Variants in CDC42 observed in about 807,000 individuals in gnomAD.
CDC42 encodes the protein cell division cycle 42.
In CDC42, 1 loss-of-function variant was observed where a neutral mutation model predicts 20.8. That is an observed-to-expected ratio of 0.05 (90% CI 0.02 to 0.23). The LOEUF is 0.23. Ranked by LOEUF, CDC42 falls within the 10% of genes least tolerant of loss-of-function variation. The pLI, the probability that CDC42 is intolerant of heterozygous loss-of-function variation, is 1.00. For missense variants in CDC42, 49 were observed against 227.9 expected, an observed-to-expected ratio of 0.21 and a Z score of 5.05; for synonymous variants, 72 against 84.8, an observed-to-expected ratio of 0.85 and a Z score of 0.83.
rs1012005638 is a variant in CDC42 at position 22,095,687 on chromosome 1, A to G, written c.*4170A>G. ...GTTGCATTTGAACCATGCCAACGGT[A>G]GCTTATTAAAACAGCATTTATTTTT... On this transcript the variant is annotated 3_prime_UTR_variant, in exon 6 of 6. Coordinates refer to ENST00000656825, the MANE Select transcript of CDC42 (RefSeq NM_001791.4). 3.3e-5 allele frequency among the ~76,000 whole-genome samples: 5 copies of G among 152,194 alleles called. No individual in the cohort carries two copies.
intron 1 of CDC42, among the ~76,000 whole-genome samples, chr1:22,077,961 G>T (rs549836383): frequency 5.4e-4 from 83 of 152,308 alleles, no homozygotes; most frequent in Non-Finnish European, 1.1e-3. Context: ...TCTGCTGCTT[G>T]TTGGTCAGAG....
At chr1:22,087,023 C>T (rs1645667880) in intron 5 of CDC42, among the ~76,000 whole-genome samples, 157 bp downstream of exon 5, 1 of 152,112 alleles carries the variant, frequency 6.6e-6, no homozygotes, top group Non-Finnish European at 1.5e-5. Context: ...TTAGAGGCCT[C>T]TGTGTTTTTT....
chr1:22,099,808 T>A lies in CDC42; in HGVS notation c.*8291T>A, dbSNP rs1479107488. 1.3e-5 allele frequency among the ~76,000 whole-genome samples: 2 copies of A among 152,160 alleles called. No homozygotes were observed. The highest frequency in any genetic ancestry group is 4.8e-5 in the African/African-American group (2 of 41,420). ...AGTGTTTATTCTCTACATGGCACTC[T>A]TTTAAGCCTTTGTGTGAATTAACTC... On this transcript the variant is annotated 3_prime_UTR_variant, in exon 6 of 6. Transcript: ENST00000656825.
intron 5 of CDC42, chr1:22,090,475 AGT>A (rs1645704492): frequency 2.0e-6 from 2 of 989,280 alleles, no homozygotes; most frequent in African/African-American, 1.7e-5. Context: ...GACCTAGTAG[AGT>A]GTAATGGGGA....
At chr1:22,062,508 T>TA (rs1247743526) in intron 1 of CDC42, among the ~76,000 whole-genome samples, 2 of 152,180 alleles carry the variant, frequency 1.3e-5, no homozygotes, top group African/African-American at 2.4e-5. Context: ...CTTGTAGACT[T>TA]ACGACCAAAT....
At chr1:22,082,455 T>TTA (rs1645617892) in intron 3 of CDC42, among the ~76,000 whole-genome samples, 1 of 152,222 alleles carries the variant, frequency 6.6e-6, no homozygotes, top group African/African-American at 2.4e-5. Context: ...TGTACCTAAT[T>TTA]CCTCAGTGCT....
At chr1:22,062,739 A>T (rs1164981880) in intron 1 of CDC42, among the ~76,000 whole-genome samples, 115 of 1,800 alleles carry the variant, frequency 0.064, 3 homozygotes, top group African/African-American at 0.33. Context: ...TTAAAAAAAA[A>T]AAAAAAAAAA....
intron 5 of CDC42, chr1:22,090,365 T>G (rs935756666): frequency 9.5e-5 from 98 of 1,035,120 alleles, no homozygotes; most frequent in Non-Finnish European, 1.1e-4. Flanking sequence ...TTAACACTTC[T>G]AGATCTTAGT....
chr1:22,070,543 A>G (rs1344936750), intron 1 of CDC42, among the ~76,000 whole-genome samples: 1 of 132,208 alleles, frequency 7.6e-6, no homozygotes, highest in Non-Finnish European at 1.5e-5. Flanking sequence ...GGCTCACTAC[A>G]AGCTCCGCCT....
intron 1 of CDC42, among the ~76,000 whole-genome samples, chr1:22,073,503 C>T (rs947373533): frequency 5.3e-5 from 8 of 150,824 alleles, no homozygotes; most frequent in Non-Finnish European, 1.0e-4. Flanking sequence ...CACGCCATTG[C>T]ACTCCAGCCT....
At chr1:22,090,076 T>C (rs1284256504) in intron 5 of CDC42, 1 of 1,603,970 alleles carries the variant, frequency 6.2e-7, no homozygotes, top group African/African-American at 1.3e-5. Context: ...CCTGTCCCAC[T>C]ACTGTAGAAA....
In CDC42 at chr1:22,099,903, AAGAATTCAGAGCT is replaced by A. The variant is rs1645779385; in HGVS notation, c.*8389_*8401del. Reference sequence around the variant, plus strand: ...GCATGTTATGATACAAAGCTTGTCCAAGAATTCAGAGCTAGCTTGTCCAAGAATTCAGAGCTAG... The same window carrying A: ...GCATGTTATGATACAAAGCTTGTCCAAGCTTGTCCAAGAATTCAGAGCTAG... On this transcript the variant is annotated 3_prime_UTR_variant, in exon 6 of 6. Coordinates refer to ENST00000656825, the MANE Select transcript of CDC42 (RefSeq NM_001791.4). 8.7e-4 allele frequency among the ~76,000 whole-genome samples: 1 copy of A among 1,154 alleles called. No homozygotes were observed. The highest frequency in any genetic ancestry group is 0.029 in the South Asian group (1 of 34). 0.8% of individuals were successfully genotyped at this position (1,154 alleles called of 152,430 possible).
At chr1:22,074,884 AG>A (rs1645532078) in intron 1 of CDC42, among the ~76,000 whole-genome samples, 1 of 152,242 alleles carries the variant, frequency 6.6e-6, no homozygotes, top group Non-Finnish European at 1.5e-5. Flanking sequence ...AGGGCCTATT[AG>A]TTGTTTCAGA....
rs889268804 is a variant in CDC42 at position 22,052,739 on chromosome 1, T to A, written c.-54T>A. ...GCTGCCAACGCCCCGGTGGAGAAGC[T>A]GAGGTGAGTGCGGGGCCCGAGGTTC... On this transcript the variant is annotated 5_prime_UTR_variant, in exon 1 of 6. Coordinates refer to ENST00000656825, the MANE Select transcript of CDC42 (RefSeq NM_001791.4). The A allele has an allele frequency of 6.5e-6, 1 of 152,854 alleles. No individual in the cohort carries two copies. The highest frequency in any genetic ancestry group is 2.4e-5 in the African/African-American group (1 of 41,468). 9.5% of individuals were successfully genotyped at this position (152,854 alleles called of 1,614,324 possible).
At chr1:22,068,539 C>T (rs532933209) in intron 1 of CDC42, 5 of 153,046 alleles carry the variant, frequency 3.3e-5, no homozygotes, top group African/African-American at 1.2e-4. Flanking sequence ...TCTTCAATTT[C>T]TGCTTTGTTC....
chr1:22,075,142 T>C (rs1645534389), intron 1 of CDC42, among the ~76,000 whole-genome samples: 1 of 152,230 alleles, frequency 6.6e-6, no homozygotes, highest in South Asian at 2.1e-4. Context: ...TTAGCATGAG[T>C]AACTCCGTTT....
At chr1:22,052,821 C>T (rs191653816) in intron 1 of CDC42, 79 bp downstream of exon 1, 35 of 152,816 alleles carry the variant, frequency 2.3e-4, no homozygotes, top group Admixed American at 6.5e-4. Flanking sequence ...CTCTCCCAGT[C>T]CTCGGGGACA....
intron 1 of CDC42, among the ~76,000 whole-genome samples, chr1:22,069,170 C>CTTTTTT (rs71724070): frequency 2.5e-5 from 2 of 80,816 alleles, no homozygotes; most frequent in Admixed American, 1.5e-4. Flanking sequence ...CATTTTATTC[C>CTTTTTT]TTTTTTTTTT....
Position 22,095,982 on chromosome 1 carries a change from C to T in CDC42, c.*4465C>T, listed in dbSNP as rs1441635336. ...ATTTATTTATTTATTTATTTTCAGACGGGGTCTTGCACTGTTGCCCGGGCT... is the reference window on the plus strand; with the variant it reads ...ATTTATTTATTTATTTATTTTCAGATGGGGTCTTGCACTGTTGCCCGGGCT... On this transcript the variant is annotated 3_prime_UTR_variant, in exon 6 of 6. Transcript: ENST00000656825. Among the ~76,000 whole-genome samples, 22 of 148,598 alleles carry T rather than the reference C, an allele frequency of 1.5e-4. No individual in the cohort carries two copies. Among genetic ancestry groups the T allele is most frequent in the Admixed American group, 1.3e-3 (19 of 15,054 alleles).
Sources: gnomAD v4.1 joint callset for allele counts (sites outside exome capture counted in the v4.1 genomes callset) on GRCh38, gnomAD v4.1.1 for gene constraint, MANE v1.5 for transcripts, NCBI Gene and HGNC (gene_info 2026-07-23, HGNC 2026-07-21) for gene names.